The following ST7L variants were observed in gnomAD, a reference collection of about 807,000 sequenced individuals.
ST7L encodes suppression of tumorigenicity 7 like.
A neutral mutation model predicts 72.5 loss-of-function variants in ST7L; 57 were observed. The observed-to-expected ratio is 0.79, with a 90% CI of 0.64 to 0.98. ST7L has a LOEUF of 0.98. Ranked by LOEUF, ST7L falls within the 50% of genes least tolerant of loss-of-function variation. ST7L has a pLI of 0.00. For synonymous variants in ST7L, 221 were observed against 240.9 expected (o/e 0.92, Z 0.77); for missense variants, 576 against 672.2 (o/e 0.86, Z 1.58).
At chr1:112,573,598 A>C (rs1662532216) in intron 11 of ST7L, among the ~76,000 whole-genome samples, 2 of 152,182 alleles carry the variant, frequency 1.3e-5, no homozygotes, top group African/African-American at 4.8e-5. Context: ...TGTAACTCAA[A>C]GTCTTCTCAC....
At chr1:112,575,438 A>G (rs1662949815) in intron 11 of ST7L, among the ~76,000 whole-genome samples, 1 of 152,220 alleles carries the variant, frequency 6.6e-6, no homozygotes, top group African/African-American at 2.4e-5. Flanking sequence ...ATAAAATAGA[A>G]CAGTTATAAC....
intron 3 of ST7L, 183 bp downstream of exon 3, chr1:112,610,658 C>G: frequency 3.0e-6 from 2 of 657,952 alleles, no homozygotes; most frequent in Non-Finnish European, 5.0e-6. Context: ...CCTGAGGGCA[C>G]TGCCCTCATG....
chr1:112,615,237 G>T (rs898052675), intron 2 of ST7L, among the ~76,000 whole-genome samples: 6 of 151,924 alleles, frequency 3.9e-5, no homozygotes, highest in African/African-American at 1.5e-4. Context: ...CCCCACCTCG[G>T]TCTCCCAAAG....
intron 11 of ST7L, among the ~76,000 whole-genome samples, chr1:112,556,997 A>AAAC (rs1557974323): frequency 1.4e-5 from 2 of 142,732 alleles, no homozygotes; most frequent in African/African-American, 5.8e-5. Flanking sequence ...AAAAAAAAAA[A>AAAC]ACACAAAGAA....
At chr1:112,572,847 T>A (rs1004488774) in intron 11 of ST7L, among the ~76,000 whole-genome samples, 1 of 152,128 alleles carries the variant, frequency 6.6e-6, no homozygotes, top group African/African-American at 2.4e-5. Context: ...CAGAGTTAAG[T>A]ACCTATGTGA....
intron 11 of ST7L, among the ~76,000 whole-genome samples, chr1:112,560,485 A>G (rs2101649651): frequency 6.6e-6 from 1 of 152,310 alleles, no homozygotes; most frequent in Non-Finnish European, 1.5e-5. Context: ...CCAAAATATA[A>G]GAGAAAAATT....
Position 112,524,619 on chromosome 1 carries a change from G to C in ST7L, c.*1394C>G, listed in dbSNP as rs1205770644. 6.6e-6 allele frequency: 1 copy of C among 152,582 alleles called. No individual in the cohort carries two copies. The highest frequency in any genetic ancestry group is 2.4e-5 in the African/African-American group (1 of 41,422). The allele number at this position is 152,582 out of a possible 1,614,324, so 9.5% of individuals were successfully genotyped here. On this transcript the variant is annotated 3_prime_UTR_variant, in exon 15 of 15. Transcript: ENST00000358039. Reference sequence around the variant, plus strand: ...ATTGATGGCCTTGGTGGAGGCCTCTGCCCCGACCCTCCACTTGGGAACTGC... The same window carrying C: ...ATTGATGGCCTTGGTGGAGGCCTCTCCCCCGACCCTCCACTTGGGAACTGC...
At chr1:112,541,726 G>A (rs1452195834) in intron 14 of ST7L, 1 of 1,107,104 alleles carries the variant, frequency 9.0e-7, no homozygotes, top group East Asian at 3.3e-5. Context: ...ATGTTATATT[G>A]TTACAATCTT....
intron 2 of ST7L, 34 bp downstream of exon 2, chr1:112,616,779 C>G: frequency 1.5e-5 from 22 of 1,474,028 alleles, no homozygotes; most frequent in Non-Finnish European, 2.0e-5. Flanking sequence ...AGATAAACAC[C>G]AAAACATGAA....
chr1:112,580,037 A>G (rs190959681), intron 9 of ST7L, among the ~76,000 whole-genome samples: 1 of 152,378 alleles, frequency 6.6e-6, no homozygotes, highest in East Asian at 1.9e-4. Flanking sequence ...GATGTTTAAA[A>G]GAAGTAAACT....
At chr1:112,608,929 A>T (rs1229879765) in intron 3 of ST7L, among the ~76,000 whole-genome samples, 2 of 152,216 alleles carry the variant, frequency 1.3e-5, no homozygotes, top group Admixed American at 1.3e-4. Context: ...CTCTAGTGGT[A>T]AGCTATTGAA....
intron 3 of ST7L, among the ~76,000 whole-genome samples, chr1:112,606,136 G>A (rs976130376): frequency 2.0e-5 from 3 of 152,178 alleles, no homozygotes; most frequent in African/African-American, 7.2e-5. Context: ...GTGCACACGT[G>A]ATATCAAATA....
In ST7L at chr1:112,610,828, G is replaced by A. The variant is rs1326855461; in HGVS notation, c.451+13C>T. ...AATACACAGCTCTGAAAACACATTA[G>A]AAAAGTAGTCACCTGACAAATTCTG... On this transcript the variant is annotated intron_variant, in intron 3 of 14. Coordinates refer to ENST00000358039, the MANE Select transcript of ST7L (RefSeq NM_017744.5). The A allele has an allele frequency of 3.1e-6, 5 of 1,612,676 alleles. No homozygotes were observed. The African/African-American group carries it at 6.7e-5, about 22-fold the overall frequency.
At chr1:112,539,900 C>T in intron 14 of ST7L, 2 of 985,270 alleles carry the variant, frequency 2.0e-6, no homozygotes, top group South Asian at 9.4e-5. Flanking sequence ...TATATACCAT[C>T]ACCTATACAG....
chr1:112,618,029 C>T, intron 1 of ST7L: 2 of 1,303,956 alleles, frequency 1.5e-6, no homozygotes, highest in Non-Finnish European at 2.0e-6. Flanking sequence ...CATCTCTGAA[C>T]AGGAAAGGGG....
At chr1:112,529,314 C>A (rs987637702) in intron 14 of ST7L, 1 of 152,158 alleles carries the variant, frequency 6.6e-6, no homozygotes, top group East Asian at 1.9e-4. Context: ...CATCTTAGTT[C>A]TCTTCCCTCC....
At chr1:112,539,701 AACTGCCCAT>A (rs1655803404) in intron 14 of ST7L, 2 of 983,988 alleles carry the variant, frequency 2.0e-6, no homozygotes, top group African/African-American at 3.5e-5. Flanking sequence ...GAAAGCTGGA[AACTGCCCAT>A]ACCACAGTCA....
chr1:112,520,763 G>C (rs1652827515), downstream of ST7L: 1 of 544,196 alleles, frequency 1.8e-6, no homozygotes, highest in Non-Finnish European at 3.3e-6. Context: ...GAGTAGAAGA[G>C]ATAGGGGGTC....
At position 112,526,002 on chromosome 1, in the gene ST7L, CA is replaced by C; in HGVS notation, c.*10del. On this transcript the variant is annotated 3_prime_UTR_variant, in exon 15 of 15. Transcript: ENST00000358039. ...GGTGATTTGTCCAAGGTCACATGAA[CA>C]GTGCGTGGCTCAGCCAGAACTCAAA... 6.2e-7 allele frequency: 1 copy of C among 1,613,832 alleles called. No individual in the cohort carries two copies. The highest frequency in any genetic ancestry group is 8.5e-7 in the Non-Finnish European group (1 of 1,179,820).
Sources: allele counts gnomAD v4.1 joint callset (sites outside exome capture counted in the v4.1 genomes callset), GRCh38; gene constraint gnomAD v4.1.1; transcripts MANE v1.5; gene names NCBI Gene and HGNC (gene_info 2026-07-23, HGNC 2026-07-21).